PCDHB14: variants seen among roughly 807,000 people sequenced by gnomAD.
PCDHB14 encodes the protein protocadherin beta 14, also known as protocadherin beta-14.
For missense variants in PCDHB14, 1,129 were observed against 1,000.5 expected (o/e 1.13, Z -1.73); for synonymous variants, 511 against 441.5 (o/e 1.16, Z -1.97).
rs1554289503 is a variant in PCDHB14, at chr5:141,225,490, T to C, written c.1985T>C (p.Leu662Pro). The C allele has an allele frequency of 5.0e-6, 8 of 1,606,544 alleles. No homozygotes were observed. The highest frequency in any genetic ancestry group is 6.8e-6 in the Non-Finnish European group (8 of 1,179,646). ...RSATATLHVL[L>P]VDGFSQPYLP... Reference sequence around the variant, plus strand: ...GCCACCGCCACGCTGCACGTGCTCCTGGTGGACGGCTTCTCCCAGCCCTAC... The same window carrying C: ...GCCACCGCCACGCTGCACGTGCTCCCGGTGGACGGCTTCTCCCAGCCCTAC... Residue 662 changes from leucine (L) to proline (P), a missense_variant, in exon 1 of 1, where the codon CTG (leucine) becomes CCG (proline). Leu to Pro is a moderately conservative substitution (Grantham distance 98). Coordinates refer to ENST00000239449, the MANE Select transcript of PCDHB14 (RefSeq NM_018934.4).
Position 141,224,825 on chromosome 5 carries a change from G to A in PCDHB14, c.1320G>A (p.Leu440=), listed in dbSNP as rs1554289250. 2 of 1,613,990 alleles carry A rather than the reference G, an allele frequency of 1.2e-6. No individual in the cohort carries two copies. The highest frequency in any genetic ancestry group is 2.2e-5 in the South Asian group (2 of 91,080). ...RLKTEYNITV[L]LSDVNDNAPT... is the part of the protein sequence containing the mutation. ...AAACCGAGTACAACATAACCGTGCT[G>A]CTCTCTGACGTCAATGACAACGCCC... The change falls in exon 1 of 1, where the codon CTG becomes CTA. Residue 440 remains leucine (L), a synonymous_variant. Coordinates refer to ENST00000239449, the MANE Select transcript of PCDHB14 (RefSeq NM_018934.4).
Position 141,226,060 on chromosome 5 carries a change from A to G in PCDHB14, c.*158A>G, listed in dbSNP as rs1754854928. On this transcript the variant is annotated 3_prime_UTR_variant, in exon 1 of 1. Transcript: ENST00000239449. ...TCTTTAAAAATCTTTATTAGTGGCTATAATGACGTGGAAATGTAATCTGTG... is the reference window on the plus strand; with the variant it reads ...TCTTTAAAAATCTTTATTAGTGGCTGTAATGACGTGGAAATGTAATCTGTG... 2.9e-6 allele frequency: 2 copies of G among 693,102 alleles called. No individual in the cohort carries two copies. The highest frequency in any genetic ancestry group is 4.5e-5 in the South Asian group (2 of 44,636). 42.9% of individuals were successfully genotyped at this position (693,102 alleles called of 1,614,324 possible).
chr5:141,223,732 A>T lies in PCDHB14; in HGVS notation c.227A>T (p.His76Leu). The change falls in exon 1 of 1, where the codon CAC becomes CTC. Residue 76 changes from histidine to leucine, a missense_variant. Physicochemically the swap from His to Leu is moderately conservative, Grantham distance 99. Coordinates refer to ENST00000239449, the MANE Select transcript of PCDHB14 (RefSeq NM_018934.4). ...VVSDDNKKYL[H>L]LDLLTGNLLL... ...TCTGATGATAATAAAAAGTATTTGC[A>T]CCTTGATTTGCTGACTGGGAATTTG... is the stretch of plus-strand genomic sequence containing the variant. 1 of 1,613,900 alleles carries T rather than the reference A, an allele frequency of 6.2e-7. No homozygotes were observed. Among genetic ancestry groups the T allele is most frequent in the Non-Finnish European group, 8.5e-7 (1 of 1,179,990 alleles).
In PCDHB14 at chr5:141,223,940, T is replaced by C; in HGVS notation, c.435T>C (p.Gly145=). Residue 145 remains glycine (G), a synonymous_variant, in exon 1 of 1, where the codon GGT becomes GGC. Coordinates refer to ENST00000239449, the MANE Select transcript of PCDHB14 (RefSeq NM_018934.4). ...DKEILIKISE[G]TTVGATFLME... ...AAATACTTATTAAAATATCAGAAGG[T>C]ACCACTGTTGGAGCTACCTTTCTAA... The C allele has an allele frequency of 6.2e-7, 1 of 1,614,074 alleles. No homozygotes were observed. The highest frequency in any genetic ancestry group is 8.5e-7 in the Non-Finnish European group (1 of 1,179,980).
Position 141,223,650 on chromosome 5 carries a change from G to A in PCDHB14, c.145G>A (p.Ala49Thr). 2 of 1,614,166 alleles carry A rather than the reference G, an allele frequency of 1.2e-6. No individual in the cohort carries two copies. The highest frequency in any genetic ancestry group is 1.7e-6 in the Non-Finnish European group (2 of 1,180,030). ...TEIGSFVANL[A>T]RDLGLGVEEL... ...AATTGGCTCTTTTGTGGCTAATCTA[G>A]CGAGGGACCTAGGGCTGGGGGTGGA... The change falls in exon 1 of 1, where the codon GCG becomes ACG. Residue 49 changes from alanine to threonine, a missense_variant. By Grantham distance (58) the Ala-to-Thr change is moderately conservative (BLOSUM62 0). Coordinates refer to ENST00000239449, the MANE Select transcript of PCDHB14 (RefSeq NM_018934.4).
Position 141,225,536 on chromosome 5 carries a change from C to A in PCDHB14, c.2031C>A (p.Ala677=), listed in dbSNP as rs774076524. Residue 677 remains alanine, a synonymous_variant, in exon 1 of 1, where the codon GCC becomes GCA. Transcript: ENST00000239449. The part of the protein sequence containing the change: ...SQPYLPLPEA[A]PAQAQADSLT... The stretch of plus-strand genomic sequence containing the variant: ...CCTACCTGCCGCTCCCTGAGGCGGC[C>A]CCGGCCCAGGCCCAGGCCGACTCCC... 1.4e-4 allele frequency: 229 copies of A among 1,609,878 alleles called. No homozygotes were observed. In the East Asian group the frequency reaches 1.8e-3, roughly 12 times the overall value.
Position 141,225,245 on chromosome 5 carries a change from C to G in PCDHB14, c.1740C>G (p.Ala580=). ...GCACCGAGCTGGTGCCCCGGGCGGC[C>G]GAGCCGGGCTACCTGGTGACCAAGG... ...APCTELVPRA[A]EPGYLVTKVV... The change falls in exon 1 of 1, where the codon GCC becomes GCG. Residue 580 remains alanine (A), a synonymous_variant. Coordinates refer to ENST00000239449, the MANE Select transcript of PCDHB14 (RefSeq NM_018934.4). The G allele has an allele frequency of 6.3e-7, 1 of 1,599,922 alleles. No homozygotes were observed. Among genetic ancestry groups the G allele is most frequent in the Non-Finnish European group, 8.5e-7 (1 of 1,177,060 alleles).
chr5:141,223,398 C>T lies in PCDHB14; in HGVS notation c.-108C>T. 1 of 774,642 alleles carries T rather than the reference C, an allele frequency of 1.3e-6. No homozygotes were observed. The highest frequency in any genetic ancestry group is 1.8e-5 in the South Asian group (1 of 56,790). 48.0% of individuals were successfully genotyped at this position (774,642 alleles called of 1,614,324 possible). ...CATTAAAGGAGCTTCGCCTACAGAG[C>T]TGCTGGAGGATACACTCTCCAGGGG... On this transcript the variant is annotated 5_prime_UTR_variant, in exon 1 of 1. Transcript: ENST00000239449.
chr5:141,226,068 G>A lies in PCDHB14; in HGVS notation c.*166G>A. The A allele has an allele frequency of 6.0e-6, 4 of 664,496 alleles. No individual in the cohort carries two copies. Among genetic ancestry groups the A allele is most frequent in the South Asian group, 2.3e-5 (1 of 42,654 alleles). 41.2% of individuals were successfully genotyped at this position (664,496 alleles called of 1,614,324 possible). ...AATCTTTATTAGTGGCTATAATGAC[G>A]TGGAAATGTAATCTGTGTTTTCTGG... On this transcript the variant is annotated 3_prime_UTR_variant, in exon 1 of 1. Coordinates refer to ENST00000239449, the MANE Select transcript of PCDHB14 (RefSeq NM_018934.4).
Position 141,223,470 on chromosome 5 carries a change from C to T in PCDHB14, c.-36C>T. The T allele has an allele frequency of 6.7e-7, 1 of 1,495,044 alleles. No homozygotes were observed. Among genetic ancestry groups the T allele is most frequent in the Non-Finnish European group, 9.1e-7 (1 of 1,099,064 alleles). 92.6% of individuals were successfully genotyped at this position (1,495,044 alleles called of 1,614,324 possible). Reference sequence around the variant, plus strand: ...TTCAGCTTCCAAAATTACGGCTGAGCTTCAGTTTTTCCACAAGAGATTGCC... The same window carrying T: ...TTCAGCTTCCAAAATTACGGCTGAGTTTCAGTTTTTCCACAAGAGATTGCC... On this transcript the variant is annotated 5_prime_UTR_variant, in exon 1 of 1. Coordinates refer to ENST00000239449, the MANE Select transcript of PCDHB14 (RefSeq NM_018934.4).
chr5:141,225,856 G>T lies in PCDHB14; in HGVS notation c.2351G>T (p.Gly784Val), dbSNP rs782797477. 1.9e-5 allele frequency: 31 copies of T among 1,613,896 alleles called. No individual in the cohort carries two copies. Among genetic ancestry groups the T allele is most frequent in the African/African-American group, 4.0e-5 (3 of 74,910 alleles). Residue 784 changes from glycine (G) to valine (V), a missense_variant, in exon 1 of 1, where the codon GGG (glycine) becomes GTG (valine). Gly to Val is a moderately radical substitution (Grantham distance 109). Transcript: ENST00000239449. ...FQVHDTGRNM[G>V]EIENFRNSFG... ...GTTCATGACACTGGTAGGAATATGG[G>T]GGAAATCGAGAACTTTCGAAATAGC...
Position 141,223,680 on chromosome 5 carries a change from C to G in PCDHB14, c.175C>G (p.Leu59Val). 1 of 1,614,114 alleles carries G rather than the reference C, an allele frequency of 6.2e-7. No homozygotes were observed. Among genetic ancestry groups the G allele is most frequent in the Non-Finnish European group, 8.5e-7 (1 of 1,180,014 alleles). ...ARDLGLGVEE[L>V]SSREARVVSD... is the part of the protein sequence containing the mutation. The stretch of plus-strand genomic sequence containing the variant: ...GGACCTAGGGCTGGGGGTGGAGGAG[C>G]TGTCTTCACGTGAAGCCCGGGTAGT... The change falls in exon 1 of 1, where the codon CTG becomes GTG. Residue 59 changes from leucine (L) to valine (V), a missense_variant. Physicochemically the swap from Leu to Val is conservative, Grantham distance 32. Coordinates refer to ENST00000239449, the MANE Select transcript of PCDHB14 (RefSeq NM_018934.4).
Position 141,223,594 on chromosome 5 carries a change from C to A in PCDHB14, c.89C>A (p.Ser30Tyr). ...GGATTGTCTCGGGCAGGTACTGAAT[C>A]TGCACACTATTCTGTGGCAGAGGAA... ...LLGLSRAGTE[S>Y]AHYSVAEETE... The change falls in exon 1 of 1, where the codon TCT becomes TAT. Residue 30 changes from serine to tyrosine, a missense_variant. By Grantham distance (144) the Ser-to-Tyr change is moderately radical (BLOSUM62 -2). Transcript: ENST00000239449. 1 of 1,614,190 alleles carries A rather than the reference C, an allele frequency of 6.2e-7. No individual in the cohort carries two copies. Among genetic ancestry groups the A allele is most frequent in the Non-Finnish European group, 8.5e-7 (1 of 1,180,016 alleles).
rs1554289262 is a variant in PCDHB14, at chr5:141,224,870, C to T, written c.1365C>T (p.Ser455=). The T allele has an allele frequency of 1.2e-6, 2 of 1,613,628 alleles. No homozygotes were observed. Among genetic ancestry groups the T allele is most frequent in the East Asian group, 2.2e-5 (1 of 44,870 alleles). The part of the protein sequence containing the change: ...NDNAPTFTQT[S]YTLFVRENNS... ...ACGCCCCCACCTTCACCCAAACCTC[C>T]TACACCCTGTTCGTCCGCGAGAACA... The change falls in exon 1 of 1, where the codon TCC becomes TCT. Residue 455 remains serine, a synonymous_variant. Transcript: ENST00000239449.
chr5:141,225,061 T>C lies in PCDHB14; in HGVS notation c.1556T>C (p.Leu519Pro). ...DNGHLFALRS[L>P]DYEALQEFEF... Reference sequence around the variant, plus strand: ...GGCCACCTGTTTGCCCTCAGGTCGCTGGACTACGAGGCCCTACAGGAGTTC... The same window carrying C: ...GGCCACCTGTTTGCCCTCAGGTCGCCGGACTACGAGGCCCTACAGGAGTTC... Residue 519 changes from leucine to proline, a missense_variant, in exon 1 of 1, where the codon CTG becomes CCG. By Grantham distance (98) the Leu-to-Pro change is moderately conservative. Transcript: ENST00000239449. 6.2e-7 allele frequency: 1 copy of C among 1,612,460 alleles called. No homozygotes were observed. Among genetic ancestry groups the C allele is most frequent in the Non-Finnish European group, 8.5e-7 (1 of 1,179,926 alleles).
Position 141,226,058 on chromosome 5 carries a change from C to T in PCDHB14, c.*156C>T, listed in dbSNP as rs941018837. ...TTTCTTTAAAAATCTTTATTAGTGG[C>T]TATAATGACGTGGAAATGTAATCTG... is the stretch of plus-strand genomic sequence containing the variant. On this transcript the variant is annotated 3_prime_UTR_variant, in exon 1 of 1. Coordinates refer to ENST00000239449, the MANE Select transcript of PCDHB14 (RefSeq NM_018934.4). 4.1e-5 allele frequency: 29 copies of T among 699,702 alleles called. No individual in the cohort carries two copies. In the African/African-American group the frequency reaches 5.1e-4, roughly 12 times the overall value. 43.3% of individuals were successfully genotyped at this position (699,702 alleles called of 1,614,324 possible).
chr5:141,224,599 T>C lies in PCDHB14; in HGVS notation c.1094T>C (p.Val365Ala). 4 of 1,613,950 alleles carry C rather than the reference T, an allele frequency of 2.5e-6. No homozygotes were observed. Among genetic ancestry groups the C allele is most frequent in the Non-Finnish European group, 3.4e-6 (4 of 1,179,960 alleles). ...CCAGAGAATGCCTCAGAGACCCTAG[T>C]AGCTCTTTTTAGTATCCTAGACCAA... ...RIPENASETLVALFSILDQDS... is the reference protein window; with the variant it reads ...RIPENASETLAALFSILDQDS... Residue 365 changes from valine (V) to alanine (A), a missense_variant, in exon 1 of 1, where the codon GTA becomes GCA. By Grantham distance (64) the Val-to-Ala change is moderately conservative. Coordinates refer to ENST00000239449, the MANE Select transcript of PCDHB14 (RefSeq NM_018934.4).
rs1163194612 is a variant in PCDHB14, at chr5:141,225,379, G to A, written c.1874G>A (p.Arg625His). The change falls in exon 1 of 1, where the codon CGC becomes CAC. Residue 625 changes from arginine to histidine, a missense_variant. By Grantham distance (29) the Arg-to-His change is conservative (BLOSUM62 0). Transcript: ENST00000239449. Reference protein sequence around the residue: ...FGVWAHNGEVRTARLLSERDA... With the variant: ...FGVWAHNGEVHTARLLSERDA... ...GTGTGGGCGCACAATGGCGAGGTGC[G>A]CACCGCCAGGCTGCTGAGCGAGCGC... is the stretch of plus-strand genomic sequence containing the variant. 1.2e-6 allele frequency: 2 copies of A among 1,603,700 alleles called. No homozygotes were observed. Among genetic ancestry groups the A allele is most frequent in the South Asian group, 2.2e-5 (2 of 90,906 alleles).
chr5:141,225,814 T>C lies in PCDHB14; in HGVS notation c.2309T>C (p.Ile770Thr). 6.2e-7 allele frequency: 1 copy of C among 1,614,168 alleles called. No individual in the cohort carries two copies. The change falls in exon 1 of 1, where the codon ATT (isoleucine) becomes ACT (threonine). Residue 770 changes from isoleucine to threonine, a missense_variant. Ile to Thr is a moderately conservative substitution (Grantham distance 89). Coordinates refer to ENST00000239449, the MANE Select transcript of PCDHB14 (RefSeq NM_018934.4). Reference sequence around the variant, plus strand: ...AATGAGTTCAAATTTCTGAAGCCGATTATCCCCAATTTTCAAGTTCATGAC... The same window carrying C: ...AATGAGTTCAAATTTCTGAAGCCGACTATCCCCAATTTTCAAGTTCATGAC... ...GTNEFKFLKP[I>T]IPNFQVHDTG...
Sources: allele counts gnomAD v4.1 joint callset, GRCh38; gene constraint gnomAD v4.1.1; transcripts MANE v1.5; gene names NCBI Gene and HGNC (gene_info 2026-07-23, HGNC 2026-07-21).